RBFOX1: variants seen among roughly 807,000 people sequenced by gnomAD.
RBFOX1 encodes RNA binding protein fox-1 homolog 1.
RBFOX1 carries 8 observed loss-of-function variants against 57.7 expected under a neutral mutation model. The observed-to-expected ratio is 0.14, with a 90% CI of 0.08 to 0.25. RBFOX1 has a LOEUF of 0.25. Among genes scored for constraint, RBFOX1 ranks in the 10% least tolerant of loss-of-function variants. The pLI is 1.00. For synonymous variants in RBFOX1, 326 were observed against 222.4 expected (o/e 1.47, Z -4.15); for missense variants, 611 against 548.5 (o/e 1.11, Z -1.14).
intron 3 of RBFOX1, among the ~76,000 whole-genome samples, chr16:5,745,324 T>A (rs2052935807): frequency 6.6e-6 from 1 of 152,222 alleles, no homozygotes; most frequent in African/African-American, 2.4e-5. Flanking sequence ...TGCCACAATT[T>A]CTTAATCCGG....
chr16:5,471,240 T>A (rs1376511761), intron 2 of RBFOX1, among the ~76,000 whole-genome samples: 3 of 152,086 alleles, frequency 2.0e-5, no homozygotes, highest in Non-Finnish European at 4.4e-5. Context: ...TGTGAGAAAA[T>A]GGGAATTCCT....
intron 1 of RBFOX1, among the ~76,000 whole-genome samples, chr16:6,302,100 T>G (rs2078889302): frequency 1.3e-5 from 2 of 152,160 alleles, no homozygotes; most frequent in Admixed American, 1.3e-4. Flanking sequence ...ACATGTCCTG[T>G]GGCTTCATCC....
chr16:5,990,075 T>G (rs1032733332), intron 4 of RBFOX1, among the ~76,000 whole-genome samples: 2 of 152,156 alleles, frequency 1.3e-5, no homozygotes, highest in African/African-American at 4.8e-5. Flanking sequence ...AGCCTCAAAC[T>G]CCTGGGTTCA....
chr16:5,412,238 C>T (rs2067041265), intron 1 of RBFOX1, among the ~76,000 whole-genome samples: 1 of 148,202 alleles, frequency 6.7e-6, no homozygotes, highest in African/African-American at 2.5e-5. Flanking sequence ...CACCTGTCTC[C>T]AGTCTTTAGA....
intron 4 of RBFOX1, among the ~76,000 whole-genome samples, chr16:7,511,558 C>G (rs1194930040): frequency 6.6e-6 from 1 of 152,118 alleles, no homozygotes; most frequent in Non-Finnish European, 1.5e-5. Context: ...CAGTGTTTGT[C>G]TTAAAATAGC....
chr16:7,701,465 C>G (rs1052441537), intron 14 of RBFOX1, among the ~76,000 whole-genome samples: 1 of 152,162 alleles, frequency 6.6e-6, no homozygotes, highest in African/African-American at 2.4e-5. Context: ...GTTGCACACT[C>G]CTTTTGAGAA....
At chr16:5,682,088 G>A (rs1002513432) in intron 3 of RBFOX1, among the ~76,000 whole-genome samples, 1 of 152,212 alleles carries the variant, frequency 6.6e-6, no homozygotes, top group Non-Finnish European at 1.5e-5. Context: ...ATGTAGGACA[G>A]CATTACAGTT....
chr16:7,103,167 T>A (rs780905736), intron 4 of RBFOX1, among the ~76,000 whole-genome samples: 1 of 152,192 alleles, frequency 6.6e-6, no homozygotes, highest in Non-Finnish European at 1.5e-5. Flanking sequence ...ATTTGAGGAT[T>A]TGCACATTTC....
chr16:5,416,844 G>A (rs950986077), intron 1 of RBFOX1, among the ~76,000 whole-genome samples: 5 of 152,164 alleles, frequency 3.3e-5, no homozygotes, highest in African/African-American at 1.2e-4. Context: ...AGTAAGAGGA[G>A]GGAAGTGTAG....
At chr16:5,271,701 T>C (rs2063012497) in intron 1 of RBFOX1, among the ~76,000 whole-genome samples, 2 of 152,226 alleles carry the variant, frequency 1.3e-5, no homozygotes, top group South Asian at 2.1e-4. Flanking sequence ...TCAAAACTTA[T>C]TCTTCCTATT....
intron 2 of RBFOX1, among the ~76,000 whole-genome samples, chr16:6,331,384 T>G (rs536242396): frequency 7.7e-4 from 117 of 151,916 alleles, no homozygotes; most frequent in African/African-American, 2.7e-3. Context: ...GAGGTGGAGG[T>G]TGCAGTGAGC....
At chr16:5,248,496 GCCTAGCACAGGGTT>G (rs1244814864) in intron 1 of RBFOX1, among the ~76,000 whole-genome samples, 6 of 152,176 alleles carry the variant, frequency 3.9e-5, no homozygotes, top group African/African-American at 9.7e-5. Flanking sequence ...GTCACCCACA[GCCTAGCACAGGGTT>G]CCTGCCTTAG....
rs572018354 is a variant in RBFOX1 at position 5,800,537 on chromosome 16, G to A, written c.319-66766G>A. On this transcript the variant is annotated intron_variant, in intron 3 of 19. Transcript: ENST00000641259. ...GCAAGGGCTCTCCAGCACAAATAAG[G>A]GAGAGTTGGCTGGGACAGATGACCA... Among the ~76,000 whole-genome samples the A allele has an allele frequency of 2.0e-5, 3 of 152,212 alleles. No homozygotes were observed. The South Asian group carries it at 6.2e-4, about 32-fold the overall frequency.
chr16:5,703,966 T>C (rs906042191), intron 3 of RBFOX1, among the ~76,000 whole-genome samples: 1 of 152,160 alleles, frequency 6.6e-6, no homozygotes, highest in African/African-American at 2.4e-5. Context: ...TATGCCCAGG[T>C]TAAGCCCCCT....
intron 4 of RBFOX1, among the ~76,000 whole-genome samples, chr16:7,511,430 A>G (rs1383627289): frequency 6.6e-6 from 1 of 152,174 alleles, no homozygotes; most frequent in Admixed American, 6.5e-5. Context: ...TCCACTTCAG[A>G]GAGAAAATTC....
At chr16:6,615,117 C>G (rs912873219) in intron 2 of RBFOX1, among the ~76,000 whole-genome samples, 1 of 152,162 alleles carries the variant, frequency 6.6e-6, no homozygotes, top group Non-Finnish European at 1.5e-5. Context: ...TTAAGGCAAA[C>G]TCATTGTATA....
chr16:7,025,654 C>T (rs1294631878), intron 3 of RBFOX1, among the ~76,000 whole-genome samples: 1 of 152,086 alleles, frequency 6.6e-6, no homozygotes, highest in East Asian at 1.9e-4. Flanking sequence ...GAGGGGGGCA[C>T]CTCTTCATCA....
intron 4 of RBFOX1, among the ~76,000 whole-genome samples, chr16:7,257,717 C>G (rs117045679): frequency 1.2e-3 from 178 of 152,312 alleles, no homozygotes; most frequent in Non-Finnish European, 2.0e-3. Context: ...CTCCCTTGCT[C>G]TGTTCTGCAT....
At chr16:5,732,915 C>A (rs938782522) in intron 3 of RBFOX1, among the ~76,000 whole-genome samples, 1 of 152,096 alleles carries the variant, frequency 6.6e-6, no homozygotes, top group Non-Finnish European at 1.5e-5. Context: ...ATGGGAATGC[C>A]TGCCTTATTA....
Sources: allele counts gnomAD v4.1 joint callset (sites outside exome capture counted in the v4.1 genomes callset), GRCh38; gene constraint gnomAD v4.1.1; transcripts MANE v1.5; gene names NCBI Gene and HGNC (gene_info 2026-07-23, HGNC 2026-07-21).